PTPRD: variants seen among roughly 807,000 people sequenced by gnomAD.
PTPRD encodes the protein receptor-type tyrosine-protein phosphatase delta.
A neutral mutation model predicts 214.5 loss-of-function variants in PTPRD; 34 were observed. The ratio of observed to expected loss-of-function variants is 0.16; its 90% CI spans 0.12 to 0.21. PTPRD has a LOEUF of 0.21. Among genes scored for constraint, PTPRD ranks in the 10% least tolerant of loss-of-function variants. The pLI is 1.00. For synonymous variants in PTPRD, 1,128 were observed against 845.7 expected (o/e 1.33, Z -5.79); for missense variants, 2,545 against 2,398.7 (o/e 1.06, Z -1.27).
chr9:8,364,036 T>C (rs2079150523), intron 39 of PTPRD, among the ~76,000 whole-genome samples: 1 of 152,248 alleles, frequency 6.6e-6, no homozygotes, highest in South Asian at 2.1e-4. Context: ...TAAACATTTG[T>C]TTATTTATAT....
intron 8 of PTPRD, among the ~76,000 whole-genome samples, chr9:9,455,794 A>G (rs750848231): frequency 1.3e-5 from 2 of 151,826 alleles, no homozygotes; most frequent in Non-Finnish European, 2.9e-5. Context: ...ACAATAAGCT[A>G]CTGTGAAATA....
chr9:8,677,065 T>C (rs1236942294), intron 12 of PTPRD, among the ~76,000 whole-genome samples: 1 of 152,240 alleles, frequency 6.6e-6, no homozygotes, highest in East Asian at 1.9e-4. Context: ...CATTTTTAAA[T>C]GGCTTGCATA....
intron 3 of PTPRD, among the ~76,000 whole-genome samples, chr9:10,093,279 G>A (rs2098450588): frequency 6.6e-6 from 1 of 151,470 alleles, no homozygotes; most frequent in South Asian, 2.1e-4. Context: ...TAAAAAATGA[G>A]TAAAAGACAG....
chr9:9,091,747 A>C (rs1294475017), intron 10 of PTPRD, among the ~76,000 whole-genome samples: 1 of 152,210 alleles, frequency 6.6e-6, no homozygotes, highest in Non-Finnish European at 1.5e-5. Flanking sequence ...AGAACCAGCC[A>C]ATATAGTAAA....
chr9:9,545,052 C>A (rs2078459984), intron 8 of PTPRD, among the ~76,000 whole-genome samples: 1 of 151,678 alleles, frequency 6.6e-6, no homozygotes, highest in South Asian at 2.1e-4. Flanking sequence ...AAATATACTT[C>A]TTGTCCCACA....
At chr9:9,413,307 G>C (rs2076074861) in intron 8 of PTPRD, among the ~76,000 whole-genome samples, 2 of 149,050 alleles carry the variant, frequency 1.3e-5, no homozygotes, top group East Asian at 4.0e-4. Flanking sequence ...GTAGAGACGG[G>C]GTTTCACCTT....
chr9:10,371,471 T>C (rs973434851), intron 2 of PTPRD, among the ~76,000 whole-genome samples: 1 of 152,132 alleles, frequency 6.6e-6, no homozygotes, highest in African/African-American at 2.4e-5. Flanking sequence ...TAAAATGATA[T>C]CTGGTATTAG....
intron 14 of PTPRD, among the ~76,000 whole-genome samples, chr9:8,593,303 A>G (rs2094249558): frequency 6.6e-6 from 1 of 152,226 alleles, no homozygotes; most frequent in Non-Finnish European, 1.5e-5. Flanking sequence ...GCTTGACTAC[A>G]AATTCATAAT....
At chr9:8,671,496 A>G (rs2097285253) in intron 12 of PTPRD, among the ~76,000 whole-genome samples, 3 of 152,222 alleles carry the variant, frequency 2.0e-5, no homozygotes, top group African/African-American at 7.2e-5. Context: ...GTATACTTTT[A>G]AAACTTATTG....
At chr9:8,406,339 A>C (rs1335834221) in intron 35 of PTPRD, among the ~76,000 whole-genome samples, 1 of 152,146 alleles carries the variant, frequency 6.6e-6, no homozygotes, top group Non-Finnish European at 1.5e-5. Context: ...CTGCCTTAAA[A>C]ATCTCTCAAA....
chr9:8,521,496 T>G lies in PTPRD; in HGVS notation c.742A>C (p.Met248Leu), dbSNP rs988387399. 8 of 1,613,996 alleles carry G rather than the reference T, an allele frequency of 5.0e-6. No homozygotes were observed. The highest frequency in any genetic ancestry group is 6.8e-6 in the Non-Finnish European group (8 of 1,179,922). Residue 248 changes from methionine to leucine, a missense_variant, in exon 20 of 46, where the codon ATG (methionine) becomes CTG (leucine). Physicochemically the swap from Met to Leu is conservative, Grantham distance 15. Coordinates refer to ENST00000381196, the MANE Select transcript of PTPRD (RefSeq NM_002839.4). ...FSIPPTNHEI[M>L]PGGSVNITCV... Reference sequence around the variant, plus strand: ...GTGATATTAACGCTTCCGCCTGGCATGATTTCATGATTAGTGGGTGGGATA... The same window carrying G: ...GTGATATTAACGCTTCCGCCTGGCAGGATTTCATGATTAGTGGGTGGGATA...
chr9:10,215,257 G>C (rs900610344), intron 3 of PTPRD, among the ~76,000 whole-genome samples: 11 of 151,372 alleles, frequency 7.3e-5, no homozygotes, highest in African/African-American at 2.7e-4. Context: ...GAGGCTCTAA[G>C]AATTGACTGA....
intron 11 of PTPRD, among the ~76,000 whole-genome samples, chr9:8,992,704 G>A (rs987620231): frequency 1.3e-5 from 2 of 152,068 alleles, no homozygotes; most frequent in Non-Finnish European, 2.9e-5. Flanking sequence ...TCAAAATATT[G>A]CACTGGATTT....
At chr9:8,706,063 C>G (rs2098200417) in intron 12 of PTPRD, among the ~76,000 whole-genome samples, 1 of 152,054 alleles carries the variant, frequency 6.6e-6, no homozygotes, top group Admixed American at 6.6e-5. Context: ...CAAATTCTCC[C>G]AAAGAACTGC....
intron 5 of PTPRD, among the ~76,000 whole-genome samples, chr9:9,931,895 G>A (rs1260422209): frequency 6.6e-6 from 1 of 151,092 alleles, no homozygotes; most frequent in African/African-American, 2.4e-5. Flanking sequence ...CGGGCAGACT[G>A]CCTCCTCAAG....
intron 7 of PTPRD, among the ~76,000 whole-genome samples, chr9:9,642,829 A>C (rs1293154908): frequency 6.6e-6 from 1 of 152,194 alleles, no homozygotes; most frequent in Non-Finnish European, 1.5e-5. Context: ...TTCATACAAG[A>C]CAATTGGGGC....
rs1377161391 is a variant in PTPRD at position 10,090,962 on chromosome 9, G to A, written c.-544-57172C>T. On this transcript the variant is annotated intron_variant, in intron 3 of 45. Transcript: ENST00000381196. Reference sequence around the variant, plus strand: ...CACACACACACACACACACACACATGCATGTGGTAGAGTAACTGTCCAGAG... The same window carrying A: ...CACACACACACACACACACACACATACATGTGGTAGAGTAACTGTCCAGAG... Among the ~76,000 whole-genome samples, 175 of 92,446 alleles carry A rather than the reference G, an allele frequency of 1.9e-3. 2 individuals carry two copies. The Middle Eastern group carries it at 0.021, about 11-fold the overall frequency. The allele number at this position is 92,446 out of a possible 152,430, so 60.6% of individuals were successfully genotyped here. A position where few individuals can be genotyped will look rare whatever the true frequency, so the allele number is the denominator to read the frequency against.
At chr9:10,366,910 A>G (rs2154474712) in intron 2 of PTPRD, among the ~76,000 whole-genome samples, 1 of 152,258 alleles carries the variant, frequency 6.6e-6, no homozygotes, top group Admixed American at 6.5e-5. Context: ...TTTGAAAAGA[A>G]CACCAGGATA....
chr9:9,898,172 T>A (rs2075506600), intron 5 of PTPRD, among the ~76,000 whole-genome samples: 1 of 152,112 alleles, frequency 6.6e-6, no homozygotes, highest in African/African-American at 2.4e-5. Context: ...GTTTTAGGGA[T>A]AAACTAGGTC....
Sources: allele counts gnomAD v4.1 joint callset (sites outside exome capture counted in the v4.1 genomes callset), GRCh38; gene constraint gnomAD v4.1.1; transcripts MANE v1.5; gene names NCBI Gene and HGNC (gene_info 2026-07-23, HGNC 2026-07-21).